Variants in SGCZ observed in about 807,000 individuals in gnomAD.
SGCZ encodes the protein zeta-sarcoglycan.
Under a neutral mutation model 41.3 loss-of-function variants are expected in SGCZ, and 40 were observed. The ratio of observed to expected loss-of-function variants is 0.97; its 90% confidence interval spans 0.75 to 1.26. SGCZ has a LOEUF of 1.26. SGCZ is among the 50% of genes most tolerant of loss of function. The probability of loss-of-function intolerance (pLI) is 0.00; values close to 1 mark genes in which losing one functional copy is unlikely to be tolerated. For missense variants in SGCZ, 552 were observed against 369.8 expected (o/e 1.49, Z -4.04); for synonymous variants, 206 against 137.5 (o/e 1.50, Z -3.49).
chr8:15,097,896 A>ATATATATATACACGTGTGTG (rs1563124186), intron 1 of SGCZ, among the ~76,000 whole-genome samples: 53 of 103,922 alleles, frequency 5.1e-4, no homozygotes, highest in African/African-American at 1.9e-3. Context: ...GTGTATATAT[A>ATATATATATACACGTGTGTG]TATATATATA....
At chr8:14,406,556 T>G (rs1799216264) in intron 2 of SGCZ, among the ~76,000 whole-genome samples, 1 of 152,120 alleles carries the variant, frequency 6.6e-6, no homozygotes, top group Non-Finnish European at 1.5e-5. Flanking sequence ...GGCATCACAT[T>G]GAGCTAAGAG....
At position 14,730,670 on chromosome 8, in the gene SGCZ, A is replaced by C. The variant is rs117413111; in HGVS notation, c.40-175744T>G. 5.1e-3 allele frequency among the ~76,000 whole-genome samples: 774 copies of C among 151,894 alleles called. 5 individuals are homozygous for C. Among genetic ancestry groups the C allele is most frequent in the East Asian group, 0.02 (104 of 5,162 alleles). ...AAACTGTCACTATGACTCTTTTTCC[A>C]GATCTTTATTATGTCACCGGGGACT... On this transcript the variant is annotated intron_variant, in intron 1 of 7. Coordinates refer to ENST00000382080, the MANE Select transcript of SGCZ (RefSeq NM_139167.4).
chr8:14,342,236 G>T (rs535487566), intron 2 of SGCZ, among the ~76,000 whole-genome samples: 1 of 152,192 alleles, frequency 6.6e-6, no homozygotes, highest in African/African-American at 2.4e-5. Context: ...CAAAGGGATT[G>T]GCAGCATTTT....
At chr8:14,118,720 T>C (rs1443724980) in intron 5 of SGCZ, among the ~76,000 whole-genome samples, 1 of 152,204 alleles carries the variant, frequency 6.6e-6, no homozygotes, top group Non-Finnish European at 1.5e-5. Context: ...CTGTAATCCA[T>C]CTTGAGTTAA....
At chr8:14,491,368 T>C (rs1456326785) in intron 2 of SGCZ, among the ~76,000 whole-genome samples, 3 of 151,636 alleles carry the variant, frequency 2.0e-5, no homozygotes, top group Non-Finnish European at 4.4e-5. Flanking sequence ...AGTGTATTAC[T>C]CACTTCTGTA....
At chr8:14,701,435 C>T (rs1482611908) in intron 1 of SGCZ, among the ~76,000 whole-genome samples, 2 of 151,926 alleles carry the variant, frequency 1.3e-5, no homozygotes, top group Non-Finnish European at 2.9e-5. Flanking sequence ...TATTCATCCA[C>T]AATAAAGCCT....
chr8:15,019,302 G>A (rs1324821199), intron 1 of SGCZ, among the ~76,000 whole-genome samples: 2 of 152,190 alleles, frequency 1.3e-5, no homozygotes, highest in Non-Finnish European at 2.9e-5. Flanking sequence ...TTTGGAATAT[G>A]TCTTGAAGAC....
At chr8:14,698,760 T>C (rs556735653) in intron 1 of SGCZ, among the ~76,000 whole-genome samples, 1 of 152,050 alleles carries the variant, frequency 6.6e-6, no homozygotes, top group Admixed American at 6.6e-5. Context: ...TAGACACTAA[T>C]TCACCCAGAC....
rs538498761 is a variant in SGCZ at position 15,086,888 on chromosome 8, C to G, written c.39+150697G>C. 4.6e-5 allele frequency among the ~76,000 whole-genome samples: 7 copies of G among 152,180 alleles called. No individual in the cohort carries two copies. In the South Asian group the frequency reaches 1.5e-3, roughly 32 times the overall value. ...GGAAGACTTCAACTATTCTGAATAT[C>G]TTACCTTGTACATTTCACATATAAA... On this transcript the variant is annotated intron_variant, in intron 1 of 7. Coordinates refer to ENST00000382080, the MANE Select transcript of SGCZ (RefSeq NM_139167.4).
chr8:14,803,690 A>G (rs533731064), intron 1 of SGCZ, among the ~76,000 whole-genome samples: 52 of 152,030 alleles, frequency 3.4e-4, no homozygotes, highest in Middle Eastern at 3.4e-3. Flanking sequence ...TTAGGTAAAC[A>G]AAGCAGCCAG....
chr8:14,340,161 G>C (rs1052429898), intron 2 of SGCZ, among the ~76,000 whole-genome samples: 1 of 151,876 alleles, frequency 6.6e-6, no homozygotes, highest in Admixed American at 6.6e-5. Context: ...TTCATCTCCA[G>C]TCTATGATAT....
chr8:15,206,163 G>T (rs1801055408), intron 1 of SGCZ, among the ~76,000 whole-genome samples: 1 of 152,136 alleles, frequency 6.6e-6, no homozygotes, highest in African/African-American at 2.4e-5. Context: ...ACCTTCATAT[G>T]TATGCCGGAA....
intron 1 of SGCZ, among the ~76,000 whole-genome samples, chr8:15,198,867 G>T (rs1284146295): frequency 6.6e-6 from 1 of 152,142 alleles, no homozygotes; most frequent in Non-Finnish European, 1.5e-5. Context: ...TCTTGTTGAG[G>T]AAATCAATCT....
chr8:14,688,595 T>C (rs1055639696), intron 1 of SGCZ, among the ~76,000 whole-genome samples: 1 of 152,196 alleles, frequency 6.6e-6, no homozygotes, highest in Admixed American at 6.5e-5. Flanking sequence ...TTGGTTACTG[T>C]AGCCTTGTAG....
intron 2 of SGCZ, among the ~76,000 whole-genome samples, chr8:14,325,483 A>T (rs1318851456): frequency 6.7e-6 from 1 of 148,152 alleles, no homozygotes; most frequent in Non-Finnish European, 1.5e-5. Flanking sequence ...ATAAAATCAT[A>T]TATAATAGAT....
chr8:14,738,422 A>G (rs1341179019), intron 1 of SGCZ, among the ~76,000 whole-genome samples: 1 of 152,102 alleles, frequency 6.6e-6, no homozygotes, highest in Admixed American at 6.6e-5. Context: ...AAATGATATA[A>G]GCCGCTAGCT....
At chr8:15,159,521 T>A (rs1223215403) in intron 1 of SGCZ, among the ~76,000 whole-genome samples, 1 of 152,054 alleles carries the variant, frequency 6.6e-6, no homozygotes, top group Non-Finnish European at 1.5e-5. Context: ...CTGAAGCTAC[T>A]TCCAGGTAGA....
At chr8:15,027,298 C>T (rs1445143181) in intron 1 of SGCZ, among the ~76,000 whole-genome samples, 1 of 152,116 alleles carries the variant, frequency 6.6e-6, no homozygotes, top group Non-Finnish European at 1.5e-5. Flanking sequence ...GCTATGGAAT[C>T]CTTCTCTACA....
In SGCZ at chr8:15,094,737, G is replaced by T. The variant is rs186769944; in HGVS notation, c.39+142848C>A. 3.4e-4 allele frequency among the ~76,000 whole-genome samples: 51 copies of T among 152,182 alleles called. 1 individual carries two copies. Among genetic ancestry groups the T allele is most frequent in the Non-Finnish European group, 6.6e-4 (45 of 68,004 alleles). ...AGGTGAAGATAATTGAATCATGGGG[G>T]CAGTTTCCCCCATACTGTTCTCTTG... On this transcript the variant is annotated intron_variant, in intron 1 of 7. Transcript: ENST00000382080.
Sources: allele counts gnomAD v4.1 joint callset (sites outside exome capture counted in the v4.1 genomes callset), GRCh38; gene constraint gnomAD v4.1.1; transcripts MANE v1.5; gene names NCBI Gene and HGNC (gene_info 2026-07-23, HGNC 2026-07-21).